The following CHSY3 variants were observed in gnomAD, a reference collection of about 807,000 sequenced individuals.
CHSY3 encodes the protein chondroitin sulfate synthase 3.
In CHSY3, 35 loss-of-function variants were observed where a neutral mutation model predicts 67.2. The observed-to-expected ratio is 0.52, with a 90% CI of 0.40 to 0.69. The LOEUF (loss-of-function observed/expected upper bound fraction) is 0.69, where lower values mean the gene tolerates loss of function less well. CHSY3 is among the 30% of genes least tolerant of loss of function. The probability of loss-of-function intolerance (pLI) is 0.00; values close to 1 mark genes in which losing one functional copy is unlikely to be tolerated. For synonymous variants in CHSY3, 474 were observed against 434.7 expected (o/e 1.09, Z -1.12); for missense variants, 1,069 against 1,138.5 (o/e 0.94, Z 0.88).
intron 2 of CHSY3, among the ~76,000 whole-genome samples, chr5:130,090,194 C>T (rs544072095): frequency 1.3e-5 from 2 of 152,270 alleles, no homozygotes; most frequent in South Asian, 4.1e-4. Context: ...ACTAGGCTAC[C>T]TCTCCATTGG....
chr5:130,118,483 GTA>G (rs34779905), intron 2 of CHSY3, among the ~76,000 whole-genome samples: 3,068 of 148,376 alleles, frequency 0.021, 113 homozygotes, highest in African/African-American at 0.074. Context: ...TATATATAAT[GTA>G]TATATGTGTG....
At chr5:130,103,132 C>G (rs1767301650) in intron 2 of CHSY3, among the ~76,000 whole-genome samples, 1 of 151,966 alleles carries the variant, frequency 6.6e-6, no homozygotes, top group Non-Finnish European at 1.5e-5. Context: ...AGACTAGTTA[C>G]AAGACTCCTA....
chr5:129,984,817 T>A (rs948668796), intron 2 of CHSY3, among the ~76,000 whole-genome samples: 11 of 152,198 alleles, frequency 7.2e-5, no homozygotes. Context: ...TACGTATATG[T>A]CTTCTTTTGA....
chr5:129,963,833 T>G (rs995980008), intron 2 of CHSY3, among the ~76,000 whole-genome samples: 1 of 151,764 alleles, frequency 6.6e-6, no homozygotes, highest in Non-Finnish European at 1.5e-5. Flanking sequence ...ACCCCAGGGA[T>G]GTGTGTGGGC....
rs151123595 is a variant in CHSY3, at chr5:130,095,774, T to C, written c.1087-88455T>C. Among the ~76,000 whole-genome samples the C allele has an allele frequency of 5.2e-4, 79 of 152,354 alleles. No homozygotes were observed. In the East Asian group the frequency reaches 0.013, roughly 25 times the overall value. Reference sequence around the variant, plus strand: ...GTCTCAAAGTATCTCTTTCAAACTATTTAATAATTACAAATGAAAAAAGTA... The same window carrying C: ...GTCTCAAAGTATCTCTTTCAAACTACTTAATAATTACAAATGAAAAAAGTA... On this transcript the variant is annotated intron_variant, in intron 2 of 2. Coordinates refer to ENST00000305031, the MANE Select transcript of CHSY3 (RefSeq NM_175856.5).
At chr5:129,983,563 A>C (rs4587108) in intron 2 of CHSY3, among the ~76,000 whole-genome samples, 1 of 151,706 alleles carries the variant, frequency 6.6e-6, no homozygotes, top group South Asian at 2.1e-4. Flanking sequence ...CTTCCTTTTC[A>C]TTCTTCTCTG....
At chr5:130,071,255 G>C (rs140278707) in intron 2 of CHSY3, among the ~76,000 whole-genome samples, 411 of 152,092 alleles carry the variant, frequency 2.7e-3, no homozygotes, top group Non-Finnish European at 4.0e-3. Context: ...ATGTATAAGA[G>C]AGAACATTTG....
chr5:130,102,843 T>G (rs927943427), intron 2 of CHSY3, among the ~76,000 whole-genome samples: 5 of 152,080 alleles, frequency 3.3e-5, no homozygotes, highest in African/African-American at 1.2e-4. Context: ...GCTACTTTAT[T>G]TATACACCTT....
At chr5:130,057,374 C>A (rs1765568707) in intron 2 of CHSY3, among the ~76,000 whole-genome samples, 1 of 151,930 alleles carries the variant, frequency 6.6e-6, no homozygotes, top group Non-Finnish European at 1.5e-5. Context: ...TAAGAAAAAA[C>A]TTCCCTAGTT....
chr5:129,976,194 C>T (rs1246277340), intron 2 of CHSY3, among the ~76,000 whole-genome samples: 2 of 151,978 alleles, frequency 1.3e-5, no homozygotes, highest in Admixed American at 6.6e-5. Flanking sequence ...GGAGTTCTCT[C>T]GAAGAAGAAA....
intron 2 of CHSY3, among the ~76,000 whole-genome samples, chr5:130,117,172 C>T (rs1002424833): frequency 2.0e-5 from 3 of 152,102 alleles, no homozygotes; most frequent in Non-Finnish European, 4.4e-5. Context: ...GGTCTGGGAG[C>T]CCTACGGGTG....
chr5:130,076,575 A>AT (rs1036705161), intron 2 of CHSY3, among the ~76,000 whole-genome samples: 1 of 151,830 alleles, frequency 6.6e-6, no homozygotes, highest in Admixed American at 6.6e-5. Context: ...TGAGATTAAT[A>AT]TTTTTTTAAA....
intron 2 of CHSY3, among the ~76,000 whole-genome samples, chr5:130,050,971 G>A (rs1765332153): frequency 1.3e-5 from 2 of 151,520 alleles, no homozygotes; most frequent in Admixed American, 1.3e-4. Context: ...CAAAAAATAT[G>A]GTATATTTAA....
chr5:129,946,477 A>G (rs1168255430), intron 2 of CHSY3, among the ~76,000 whole-genome samples: 1 of 152,224 alleles, frequency 6.6e-6, no homozygotes, highest in Non-Finnish European at 1.5e-5. Context: ...ATAAGTATTC[A>G]TAGATAATTT....
intron 2 of CHSY3, among the ~76,000 whole-genome samples, chr5:130,007,546 G>A (rs1016502554): frequency 1.3e-5 from 2 of 152,152 alleles, no homozygotes; most frequent in African/African-American, 4.8e-5. Flanking sequence ...AAATAGGCAT[G>A]GTTTGTGGCC....
intron 2 of CHSY3, among the ~76,000 whole-genome samples, chr5:129,979,157 G>A (rs529494405): frequency 1.4e-4 from 18 of 129,252 alleles, no homozygotes; most frequent in South Asian, 2.4e-4. Flanking sequence ...CAGAGATCGC[G>A]CCCCTGCACT....
intron 2 of CHSY3, among the ~76,000 whole-genome samples, chr5:130,144,581 A>G (rs1769014380): frequency 6.6e-6 from 1 of 152,192 alleles, no homozygotes; most frequent in Non-Finnish European, 1.5e-5. Flanking sequence ...CATACTACCT[A>G]AAGGAAAGTA....
At chr5:130,174,299 A>T (rs1397787589) in intron 2 of CHSY3, among the ~76,000 whole-genome samples, 1 of 143,552 alleles carries the variant, frequency 7.0e-6, no homozygotes, top group Non-Finnish European at 1.5e-5. Context: ...CTTTCTCGTT[A>T]AAAAAAAAAA....
intron 2 of CHSY3, among the ~76,000 whole-genome samples, chr5:129,920,993 A>AT (rs1243999587): frequency 6.6e-6 from 1 of 151,802 alleles, no homozygotes; most frequent in Non-Finnish European, 1.5e-5. Context: ...TAACTTTTTT[A>AT]TTTTTTTGTA....
Sources: allele counts gnomAD v4.1 joint callset (sites outside exome capture counted in the v4.1 genomes callset), GRCh38; gene constraint gnomAD v4.1.1; transcripts MANE v1.5; gene names NCBI Gene and HGNC (gene_info 2026-07-23, HGNC 2026-07-21).